Variants in COX10 observed in about 807,000 individuals in gnomAD.
The protein encoded by COX10 is protoheme IX farnesyltransferase, mitochondrial.
COX10 carries 27 observed loss-of-function variants against 37.3 expected under a neutral mutation model. The ratio of observed to expected loss-of-function variants is 0.72; its 90% CI spans 0.53 to 1.00. COX10 has a LOEUF of 1.00. COX10 is among the 50% of genes least tolerant of loss of function. The pLI, the probability that COX10 is intolerant of heterozygous loss-of-function variation, is 0.00. For missense variants in COX10, 475 were observed against 563.2 expected, an observed-to-expected ratio of 0.84 and a Z score of 1.59; for synonymous variants, 222 against 229.1, an observed-to-expected ratio of 0.97 and a Z score of 0.28.
rs4486949 is a variant in COX10, at chr17:14,102,389, A to G, written c.624+147A>G. On this transcript the variant is annotated intron_variant, in intron 4 of 6. Coordinates refer to ENST00000261643, the MANE Select transcript of COX10 (RefSeq NM_001303.4). ...TATCCTATAGGAGCCTGTGGGTTTC[A>G]TAACCAATTTGTCTTTTCTTTTGAG... 0.13 allele frequency: 162,073 copies of G among 1,238,476 alleles called. 11,291 individuals are homozygous for G. Among genetic ancestry groups the G allele is most frequent in the South Asian group, 0.17 (13,141 of 75,610 alleles). 76.7% of individuals were successfully genotyped at this position (1,238,476 alleles called of 1,614,324 possible).
chr17:14,198,809 T>C (rs1411657270), intron 6 of COX10, among the ~76,000 whole-genome samples: 3 of 152,246 alleles, frequency 2.0e-5, no homozygotes, highest in African/African-American at 7.2e-5. Flanking sequence ...TACCAGGTAC[T>C]GTTTAACCCA....
chr17:14,071,487 G>C (rs546264714), intron 1 of COX10, among the ~76,000 whole-genome samples: 1 of 152,276 alleles, frequency 6.6e-6, no homozygotes, highest in Admixed American at 6.5e-5. Context: ...AGCATGGTGG[G>C]ACAAGGTGGC....
chr17:14,179,241 CTCTT>C (rs1905781966), intron 5 of COX10: 1 of 982,856 alleles, frequency 1.0e-6, no homozygotes, highest in Admixed American at 6.1e-5. Flanking sequence ...CATCTACCAT[CTCTT>C]ATCAAACCTG....
At position 14,192,151 on chromosome 17, in the gene COX10, G is replaced by A. The variant is rs773064168; in HGVS notation, c.858G>A (p.Trp286Ter). 4 of 1,614,280 alleles carry A rather than the reference G, an allele frequency of 2.5e-6. No individual in the cohort carries two copies. The highest frequency in any genetic ancestry group is 1.3e-5 in the African/African-American group (1 of 75,076). Reference sequence around the variant, plus strand: ...AAAGGATCAGCATTGCCAACACATGGGTCGGAGCTGTGGTTGGGGCCATCC... The same window carrying A: ...AAAGGATCAGCATTGCCAACACATGAGTCGGAGCTGTGGTTGGGGCCATCC... ...PLKRISIANT[W>*]VGAVVGAIPP... is the part of the protein sequence containing the mutation. Residue 286 changes from tryptophan to a stop codon, truncating the protein, a stop_gained, in exon 6 of 7, where the codon TGG becomes TGA. Transcript: ENST00000261643. LOFTEE classifies it high-confidence loss of function.
Position 14,102,150 on chromosome 17 carries a change from G to A in COX10, c.532G>A (p.Ala178Thr). The A allele has an allele frequency of 1.2e-6, 2 of 1,613,668 alleles. No homozygotes were observed. Among genetic ancestry groups the A allele is most frequent in the Non-Finnish European group, 1.7e-6 (2 of 1,179,732 alleles). The change falls in exon 4 of 7, where the codon GCA becomes ACA. Residue 178 changes from alanine (A) to threonine (T), a missense_variant. Physicochemically the swap from Ala to Thr is moderately conservative, Grantham distance 58 (BLOSUM62 0). This residue lies in a region of COX10 where 242 missense variants were observed against 242.5 expected (regional missense o/e 1.00). Transcript: ENST00000261643. ...LVVSTTAAGF[A>T]LAPGPFDWPC... ...TGTAAGTACCACTGCAGCTGGATTT[G>A]CATTGGCTCCGGGCCCTTTTGACTG...
chr17:14,158,154 T>C (rs1361408514), intron 4 of COX10, among the ~76,000 whole-genome samples: 1 of 151,908 alleles, frequency 6.6e-6, no homozygotes, highest in East Asian at 1.9e-4. Flanking sequence ...GAAGTGACTA[T>C]AGTAACCTGA....
At chr17:14,153,190 C>A (rs755364200) in intron 4 of COX10, among the ~76,000 whole-genome samples, 1 of 152,172 alleles carries the variant, frequency 6.6e-6, no homozygotes, top group Non-Finnish European at 1.5e-5. Flanking sequence ...CCGTACTAAA[C>A]TTCCAAATAA....
chr17:14,202,324 A>G (rs1217782330), intron 6 of COX10, among the ~76,000 whole-genome samples: 1 of 151,616 alleles, frequency 6.6e-6, no homozygotes, highest in Admixed American at 6.6e-5. Flanking sequence ...TCCCAGGCTC[A>G]AGCGATCCTC....
In COX10 at chr17:14,069,658, C is replaced by G. The variant is rs370167837; in HGVS notation, c.43+10C>G. 1.4e-5 allele frequency: 22 copies of G among 1,614,004 alleles called. No homozygotes were observed. Among genetic ancestry groups the G allele is most frequent in the Non-Finnish European group, 1.8e-5 (21 of 1,180,010 alleles). ...TCACGCCTCCTGACAGGTACTGTAC[C>G]CGCCTTGGGCACGACCTTGGGGGAA... On this transcript the variant is annotated intron_variant, in intron 1 of 6. Coordinates refer to ENST00000261643, the MANE Select transcript of COX10 (RefSeq NM_001303.4).
chr17:14,145,629 T>C (rs1272117927), intron 4 of COX10, among the ~76,000 whole-genome samples: 1 of 152,152 alleles, frequency 6.6e-6, no homozygotes, highest in Non-Finnish European at 1.5e-5. Context: ...TTGTAAGCCG[T>C]GTTAGAGCAT....
chr17:14,120,699 G>A (rs947050292), intron 4 of COX10, among the ~76,000 whole-genome samples: 1 of 152,132 alleles, frequency 6.6e-6, no homozygotes, highest in Non-Finnish European at 1.5e-5. Context: ...GAGTTATGCA[G>A]CACAGTAGCC....
rs143735639 is a variant in COX10, at chr17:14,208,559, T to C, written c.*1346T>C. ...TCCCTCTTGGCTGCCCCCAGGTATT[T>C]ACTGTGGAGAACATTGCATAGGAAT... On this transcript the variant is annotated 3_prime_UTR_variant, in exon 7 of 7. Transcript: ENST00000261643. 107 of 152,356 alleles carry C rather than the reference T, an allele frequency of 7.0e-4. No homozygotes were observed. The Middle Eastern group carries it at 0.01, about 14-fold the overall frequency. 9.4% of individuals were successfully genotyped at this position (152,356 alleles called of 1,614,324 possible).
At chr17:14,084,371 G>C (rs1039858071) in intron 3 of COX10, among the ~76,000 whole-genome samples, 2 of 152,012 alleles carry the variant, frequency 1.3e-5, no homozygotes, top group Non-Finnish European at 2.9e-5. Flanking sequence ...AGAGAAGATT[G>C]AAATCCTCCT....
At position 14,166,377 on chromosome 17, in the gene COX10, C is replaced by T. The variant is rs1464890784; in HGVS notation, c.695+6430C>T. On this transcript the variant is annotated intron_variant, in intron 5 of 6. Coordinates refer to ENST00000261643, the MANE Select transcript of COX10 (RefSeq NM_001303.4). ...TTACACTAAATCTATTCTGCCTGTA[C>T]TCTATAAATGGAAAACAAAGCCTGG... Among the ~76,000 whole-genome samples the T allele has an allele frequency of 2.0e-5, 3 of 152,298 alleles. No homozygotes were observed. The South Asian group carries it at 6.2e-4, about 32-fold the overall frequency.
rs370744015 is a variant in COX10, at chr17:14,143,567, A to G, written c.625-16310A>G. Among the ~76,000 whole-genome samples, 15 of 152,234 alleles carry G rather than the reference A, an allele frequency of 9.9e-5. 1 individual carries two copies. In the South Asian group the frequency reaches 1.7e-3, roughly 17 times the overall value. On this transcript the variant is annotated intron_variant, in intron 4 of 6. Transcript: ENST00000261643. The stretch of plus-strand genomic sequence containing the variant: ...AGAGAGGTTTCAAGTCGCTTTGCTT[A>G]GGTAATATAGTAGAAAGCTATTATC...
At chr17:14,190,718 A>G (rs1262506631) in intron 5 of COX10, among the ~76,000 whole-genome samples, 3 of 152,080 alleles carry the variant, frequency 2.0e-5, no homozygotes, top group Non-Finnish European at 4.4e-5. Context: ...CTGTAGTTCC[A>G]GCTGCTGGGC....
chr17:14,181,198 G>A (rs1490354749), intron 5 of COX10, among the ~76,000 whole-genome samples: 1 of 152,190 alleles, frequency 6.6e-6, no homozygotes, highest in Non-Finnish European at 1.5e-5. Flanking sequence ...AGTGTTTCAG[G>A]GGGCAAGGGG....
intron 4 of COX10, among the ~76,000 whole-genome samples, chr17:14,132,685 T>C (rs1916493497): frequency 6.6e-6 from 1 of 151,758 alleles, no homozygotes; most frequent in African/African-American, 2.4e-5. Flanking sequence ...TCTAACCTGT[T>C]AAATTATTTG....
intron 6 of COX10, among the ~76,000 whole-genome samples, chr17:14,204,015 G>C (rs1357069477): frequency 6.6e-6 from 1 of 152,144 alleles, no homozygotes; most frequent in Admixed American, 6.5e-5. Flanking sequence ...TAGTTTGCCT[G>C]ACTGGTTCCC....
Sources: allele counts gnomAD v4.1 joint callset (sites outside exome capture counted in the v4.1 genomes callset), GRCh38; gene constraint gnomAD v4.1.1; regional missense constraint gnomAD v4.1.1; transcripts MANE v1.5; gene names NCBI Gene and HGNC (gene_info 2026-07-23, HGNC 2026-07-21).